The following SND1 variants were observed in gnomAD, a reference collection of about 807,000 sequenced individuals.
SND1 encodes the protein staphylococcal nuclease and tudor domain containing 1.
SND1 carries 38 observed loss-of-function variants against 121.7 expected under a neutral mutation model. The ratio of observed to expected loss-of-function variants is 0.31; its 90% CI spans 0.24 to 0.41. The LOEUF is 0.41. SND1 is among the 10% of genes least tolerant of loss of function. The pLI, the probability that SND1 is intolerant of heterozygous loss-of-function variation, is 1.00. For missense variants in SND1, 868 were observed against 1,184.6 expected (o/e 0.73, Z 3.92); for synonymous variants, 401 against 447.4 (o/e 0.90, Z 1.31).
intron 5 of SND1, 142 bp from the exon 6 acceptor site, chr7:127,702,293 C>T: frequency 2.9e-6 from 2 of 680,136 alleles, no homozygotes; most frequent in Non-Finnish European, 5.3e-6. Context: ...TCATGATCTG[C>T]AAGTGCATCC....
chr7:127,763,564 C>A (rs945383230), intron 10 of SND1, among the ~76,000 whole-genome samples: 4 of 151,954 alleles, frequency 2.6e-5, no homozygotes, highest in African/African-American at 9.7e-5. Flanking sequence ...CTAGGCTGGT[C>A]TCAAACTGAG....
chr7:127,710,827 C>T (rs552770197), intron 9 of SND1, among the ~76,000 whole-genome samples: 10 of 151,298 alleles, frequency 6.6e-5, no homozygotes, highest in Admixed American at 2.6e-4. Context: ...CTCAAGAGGG[C>T]GCACAGTGCT....
chr7:127,743,291 T>A (rs1049638753), intron 10 of SND1, among the ~76,000 whole-genome samples: 3 of 152,220 alleles, frequency 2.0e-5, no homozygotes, highest in African/African-American at 7.2e-5. Flanking sequence ...TCCTCTACAG[T>A]CTGTGGGAAC....
At chr7:127,904,861 C>G in intron 14 of SND1, 42 bp downstream of exon 14, 1 of 1,230,074 alleles carries the variant, frequency 8.1e-7, no homozygotes, top group Non-Finnish European at 1.2e-6. Flanking sequence ...CTCAGAGGCT[C>G]AAGAGCGTGT....
chr7:127,757,654 A>T (rs758064125), intron 10 of SND1, among the ~76,000 whole-genome samples: 1 of 152,204 alleles, frequency 6.6e-6, no homozygotes. Context: ...TTGTAAGGTT[A>T]TCAGGCATTT....
chr7:128,090,709 A>C (rs2117072930), intron 22 of SND1, among the ~76,000 whole-genome samples: 1 of 150,572 alleles, frequency 6.6e-6, no homozygotes, highest in South Asian at 2.2e-4. Context: ...CTCTCTCCCC[A>C]CCACACCGCA....
At chr7:127,690,923 C>T (rs1795901747) in intron 2 of SND1, among the ~76,000 whole-genome samples, 1 of 152,198 alleles carries the variant, frequency 6.6e-6, no homozygotes, top group African/African-American at 2.4e-5. Context: ...TTCAAAGAAA[C>T]TCAGCTGTCT....
chr7:127,702,132 T>C (rs928514447), intron 5 of SND1, among the ~76,000 whole-genome samples: 1 of 152,178 alleles, frequency 6.6e-6, no homozygotes, highest in Non-Finnish European at 1.5e-5. Flanking sequence ...TATTTTTTGT[T>C]GGGTACCTGG....
At chr7:127,666,426 A>G (rs980591354) in intron 1 of SND1, among the ~76,000 whole-genome samples, 4 of 152,222 alleles carry the variant, frequency 2.6e-5, no homozygotes, top group African/African-American at 9.6e-5. Flanking sequence ...TTATCTGAGG[A>G]AAAGGGCCTC....
chr7:128,069,129 C>A (rs929318183), intron 16 of SND1, among the ~76,000 whole-genome samples: 7 of 152,218 alleles, frequency 4.6e-5, no homozygotes, highest in Admixed American at 3.9e-4. Flanking sequence ...ATCCTATCAA[C>A]CCCACTTGCC....
chr7:127,764,996 G>T (rs1250618648), intron 10 of SND1, among the ~76,000 whole-genome samples: 1 of 152,158 alleles, frequency 6.6e-6, no homozygotes, highest in Non-Finnish European at 1.5e-5. Flanking sequence ...GTTGATGAAT[G>T]GGAGGAGATT....
intron 14 of SND1, among the ~76,000 whole-genome samples, chr7:127,907,068 A>G (rs2116770084): frequency 6.6e-6 from 1 of 152,340 alleles, no homozygotes; most frequent in Non-Finnish European, 1.5e-5. Context: ...TCACCACATA[A>G]ATAAAAGAGT....
intron 13 of SND1, among the ~76,000 whole-genome samples, chr7:127,895,120 C>T (rs1449001063): frequency 6.6e-6 from 1 of 152,048 alleles, no homozygotes; most frequent in Non-Finnish European, 1.5e-5. Context: ...TTCATCTTCT[C>T]TGTCCAGCCT....
chr7:127,887,421 C>T (rs1333863178), intron 12 of SND1, among the ~76,000 whole-genome samples: 2 of 152,084 alleles, frequency 1.3e-5, no homozygotes, highest in Non-Finnish European at 2.9e-5. Flanking sequence ...AGAAACACTT[C>T]GTTATGTAAA....
At chr7:127,981,578 T>C (rs1359311438) in intron 15 of SND1, among the ~76,000 whole-genome samples, 2 of 152,148 alleles carry the variant, frequency 1.3e-5, no homozygotes, top group African/African-American at 4.8e-5. Context: ...TGCTTTGCAA[T>C]GGGGAGAATT....
rs1370745229 is a variant in SND1, at chr7:127,885,480, T to G, written c.1344-2422T>G. ...GCTTTAAAGGAAAGAGAGAAGAAAG[T>G]TAGTGGGCAGGGTGTGGAGTGATTT... On this transcript the variant is annotated intron_variant, in intron 12 of 23. Coordinates refer to ENST00000354725, the MANE Select transcript of SND1 (RefSeq NM_014390.4). 2.0e-5 allele frequency among the ~76,000 whole-genome samples: 3 copies of G among 152,098 alleles called. No homozygotes were observed. The East Asian group carries it at 5.8e-4, about 30-fold the overall frequency.
intron 10 of SND1, among the ~76,000 whole-genome samples, chr7:127,804,856 A>T (rs756508743): frequency 6.6e-6 from 1 of 152,216 alleles, no homozygotes; most frequent in Non-Finnish European, 1.5e-5. Context: ...ATGTTCACTT[A>T]GTCTTTAGTA....
At chr7:127,941,909 T>A (rs1179489474) in intron 15 of SND1, among the ~76,000 whole-genome samples, 1 of 145,918 alleles carries the variant, frequency 6.9e-6, no homozygotes, top group Non-Finnish European at 1.5e-5. Flanking sequence ...TTTTTTTTTT[T>A]TTTAAATTTT....
intron 12 of SND1, among the ~76,000 whole-genome samples, chr7:127,887,639 ATT>A (rs57655542): frequency 2.1e-5 from 3 of 145,068 alleles, no homozygotes; most frequent in Admixed American, 6.9e-5. Flanking sequence ...CTTTTTACAG[ATT>A]TTTTTTTTTT....
Sources: gnomAD v4.1 joint callset for allele counts (sites outside exome capture counted in the v4.1 genomes callset) on GRCh38, gnomAD v4.1.1 for gene constraint, MANE v1.5 for transcripts, NCBI Gene and HGNC (gene_info 2026-07-23, HGNC 2026-07-21) for gene names.